The following OPCML variants were observed in gnomAD, a reference collection of about 807,000 sequenced individuals.
OPCML encodes the protein opioid-binding protein/cell adhesion molecule.
In OPCML, 13 loss-of-function variants were observed where a neutral mutation model predicts 37.8. The observed-to-expected ratio is 0.34, with a 90% CI of 0.22 to 0.55. The LOEUF (loss-of-function observed/expected upper bound fraction) is 0.55, where lower values mean the gene tolerates loss of function less well. Among genes scored for constraint, OPCML ranks in the 20% least tolerant of loss-of-function variants. OPCML has a pLI of 0.91. For missense variants in OPCML, 341 were observed against 435.6 expected, an observed-to-expected ratio of 0.78 and a Z score of 1.93; for synonymous variants, 176 against 168.8, an observed-to-expected ratio of 1.04 and a Z score of -0.33.
chr11:132,707,161 T>C (rs1311721219), intron 2 of OPCML, among the ~76,000 whole-genome samples: 1 of 152,138 alleles, frequency 6.6e-6, no homozygotes, highest in Non-Finnish European at 1.5e-5. Flanking sequence ...AAGAAAGGGC[T>C]TTGGAAAGTT....
chr11:133,383,095 C>T (rs1944966487), intron 1 of OPCML, among the ~76,000 whole-genome samples: 2 of 152,104 alleles, frequency 1.3e-5, no homozygotes, highest in Admixed American at 1.3e-4. Flanking sequence ...CCTGGTCACC[C>T]TGGCGACACA....
At chr11:132,969,633 C>T (rs766756469) in intron 1 of OPCML, among the ~76,000 whole-genome samples, 22 of 152,078 alleles carry the variant, frequency 1.4e-4, no homozygotes, top group Non-Finnish European at 2.5e-4. Flanking sequence ...TTTCTGATTG[C>T]GTACTTTCCA....
intron 1 of OPCML, among the ~76,000 whole-genome samples, chr11:133,391,504 A>C (rs751740033): frequency 2.0e-5 from 3 of 152,184 alleles, no homozygotes; most frequent in African/African-American, 4.8e-5. Context: ...CCCAACCCCC[A>C]GTTCCAACCA....
At chr11:132,841,495 TC>T (rs1329588290) in intron 2 of OPCML, among the ~76,000 whole-genome samples, 2 of 152,000 alleles carry the variant, frequency 1.3e-5, no homozygotes, top group African/African-American at 2.4e-5. Context: ...ATTCAAAGAT[TC>T]CCCCGGGCTA....
At chr11:133,063,293 T>C (rs1233599353) in intron 1 of OPCML, among the ~76,000 whole-genome samples, 2 of 152,084 alleles carry the variant, frequency 1.3e-5, no homozygotes, top group Non-Finnish European at 2.9e-5. Flanking sequence ...CCCTCAGGGA[T>C]GCCTTTTCCA....
intron 4 of OPCML, among the ~76,000 whole-genome samples, chr11:132,480,811 G>A (rs907429088): frequency 1.3e-5 from 2 of 151,904 alleles, no homozygotes; most frequent in Non-Finnish European, 2.9e-5. Flanking sequence ...TTACAGAGAA[G>A]CAAATGCTGA....
intron 2 of OPCML, among the ~76,000 whole-genome samples, chr11:132,849,593 G>A (rs1245496139): frequency 6.6e-6 from 1 of 152,218 alleles, no homozygotes; most frequent in Non-Finnish European, 1.5e-5. Flanking sequence ...ATTTTATACT[G>A]AGGACACTCC....
chr11:132,715,082 C>T (rs898154470), intron 2 of OPCML, among the ~76,000 whole-genome samples: 4 of 152,170 alleles, frequency 2.6e-5, no homozygotes, highest in Admixed American at 1.3e-4. Flanking sequence ...ACAGATCACC[C>T]CAGTCCTCAG....
chr11:132,592,474 C>G (rs2096486072), intron 3 of OPCML, among the ~76,000 whole-genome samples: 1 of 152,230 alleles, frequency 6.6e-6, no homozygotes, highest in Non-Finnish European at 1.5e-5. Flanking sequence ...GGGGCCTCAA[C>G]TGCTGGAATA....
At chr11:132,431,119 C>T (rs566241446) in intron 7 of OPCML, among the ~76,000 whole-genome samples, 5 of 152,300 alleles carry the variant, frequency 3.3e-5, no homozygotes, top group Admixed American at 1.3e-4. Flanking sequence ...GTAAAGCTAA[C>T]GAATGCTTAG....
At chr11:133,513,797 C>A (rs1317881637) in intron 1 of OPCML, among the ~76,000 whole-genome samples, 1 of 152,126 alleles carries the variant, frequency 6.6e-6, no homozygotes, top group Non-Finnish European at 1.5e-5. Flanking sequence ...AAGGAAGTAG[C>A]TTTTATCTAA....
chr11:132,868,296 ATTTTTTTT>A (rs67534174), intron 2 of OPCML, among the ~76,000 whole-genome samples: 1 of 77,466 alleles, frequency 1.3e-5, no homozygotes, highest in Non-Finnish European at 2.4e-5. Context: ...TGAGGCTGTG[ATTTTTTTT>A]TTTTTTTTTT....
chr11:133,136,640 A>C (rs1315243101), intron 1 of OPCML, among the ~76,000 whole-genome samples: 1 of 152,058 alleles, frequency 6.6e-6, no homozygotes, highest in Non-Finnish European at 1.5e-5. Flanking sequence ...GACTGAGAGA[A>C]TAGGGAAAAG....
intron 1 of OPCML, among the ~76,000 whole-genome samples, chr11:133,223,520 C>T (rs1240950947): frequency 6.6e-6 from 1 of 152,012 alleles, no homozygotes; most frequent in African/African-American, 2.4e-5. Context: ...GAGGCATAGT[C>T]GGGAAAAATA....
At chr11:133,428,309 G>A (rs1437570249) in intron 1 of OPCML, among the ~76,000 whole-genome samples, 2 of 152,086 alleles carry the variant, frequency 1.3e-5, no homozygotes, top group African/African-American at 2.4e-5. Flanking sequence ...AACCAGCAGC[G>A]TGAACAAGGA....
chr11:133,085,704 G>A (rs1948808169), intron 1 of OPCML, among the ~76,000 whole-genome samples: 1 of 152,148 alleles, frequency 6.6e-6, no homozygotes, highest in Non-Finnish European at 1.5e-5. Flanking sequence ...ACCAAAAGAA[G>A]GTAAAAGTAC....
At position 133,337,393 on chromosome 11, in the gene OPCML, C is replaced by A. The variant is rs147643793; in HGVS notation, c.61+194871G>T. 9.7e-4 allele frequency among the ~76,000 whole-genome samples: 147 copies of A among 152,316 alleles called. 4 individuals carry two copies. In the East Asian group the frequency reaches 0.028, roughly 29 times the overall value. On this transcript the variant is annotated intron_variant, in intron 1 of 7. Coordinates refer to ENST00000524381, the MANE Select transcript of OPCML (RefSeq NM_001012393.5). ...GTCTGGTCTTGCAAGGCAGGAGGAA[C>A]AATCGCCCAGTTGCCTGGGGAACCA... is the stretch of plus-strand genomic sequence containing the variant.
chr11:132,718,297 C>A (rs1420305326), intron 2 of OPCML, among the ~76,000 whole-genome samples: 1 of 152,136 alleles, frequency 6.6e-6, no homozygotes, highest in Non-Finnish European at 1.5e-5. Flanking sequence ...ATGGTATCTG[C>A]AGCTTTTACA....
chr11:132,768,277 T>A (rs1274411188), intron 2 of OPCML, among the ~76,000 whole-genome samples: 1 of 152,198 alleles, frequency 6.6e-6, no homozygotes. Context: ...TCTATAACCA[T>A]CCAAAAGACC....
Sources: gnomAD v4.1 joint callset for allele counts (sites outside exome capture counted in the v4.1 genomes callset) on GRCh38, gnomAD v4.1.1 for gene constraint, MANE v1.5 for transcripts, NCBI Gene and HGNC (gene_info 2026-07-23, HGNC 2026-07-21) for gene names.